Variants in F11 observed in about 807,000 individuals in gnomAD.
F11 encodes coagulation factor XI, also known as coagualtion factor XI.
In F11, 78 loss-of-function variants were observed where a neutral mutation model predicts 76.5. The observed-to-expected ratio is 1.02, with a 90% CI of 0.85 to 1.23. The LOEUF (loss-of-function observed/expected upper bound fraction) is 1.23. F11 is among the 50% of genes most tolerant of loss of function. The pLI is 0.00. For synonymous variants in F11, 278 were observed against 276.3 expected (o/e 1.01, Z -0.06); for missense variants, 742 against 771.4 (o/e 0.96, Z 0.45).
intron 7 of F11, among the ~76,000 whole-genome samples, chr4:186,279,051 T>C (rs903484057): frequency 2.0e-5 from 3 of 152,208 alleles, no homozygotes; most frequent in Admixed American, 2.0e-4. Context: ...ATGGCTTCTA[T>C]AAGCCCAAAC....
chr4:186,271,862 T>A, intron 3 of F11, 91 bp downstream of exon 3: 1 of 1,365,776 alleles, frequency 7.3e-7, no homozygotes, highest in Non-Finnish European at 1.0e-6. Context: ...TTATAAAATT[T>A]AACATTAACA....
At chr4:186,267,522 T>C (rs1244157538) in intron 2 of F11, among the ~76,000 whole-genome samples, 2 of 152,244 alleles carry the variant, frequency 1.3e-5, no homozygotes, top group Non-Finnish European at 2.9e-5. Context: ...AAGCAGTCAG[T>C]TCAATGGAAC....
chr4:186,279,942 T>C, intron 7 of F11, 70 bp from the exon 8 acceptor site: 2 of 1,174,564 alleles, frequency 1.7e-6, no homozygotes, highest in Non-Finnish European at 2.5e-6. Flanking sequence ...CTTTACTTTC[T>C]CTAGGTGCTG....
intron 14 of F11, among the ~76,000 whole-genome samples, chr4:186,288,075 C>CTT (rs140874355): frequency 4.8e-5 from 7 of 145,750 alleles, no homozygotes; most frequent in Non-Finnish European, 7.6e-5. Flanking sequence ...CAGCTAGCGT[C>CTT]TTTTTTTTTT....
rs1580090765 is a variant in F11 at position 186,280,565 on chromosome 4, T to C, written c.1120T>C (p.Cys374Arg). The stretch of plus-strand genomic sequence containing the variant: ...CATCTCTGGATACACATTAAGGTTG[T>C]GTAAAATGGATAATGGTGAGTATAA... ...GGISGYTLRL[C>R]KMDNECTTKI... is the part of the protein sequence containing the mutation. The change falls in exon 10 of 15, where the codon TGT (cysteine) becomes CGT (arginine). Residue 374 changes from cysteine to arginine, a missense_variant. Cys to Arg is a radical substitution (Grantham distance 180). Coordinates refer to ENST00000403665, the MANE Select transcript of F11 (RefSeq NM_000128.4). The C allele has an allele frequency of 1.2e-6, 2 of 1,613,134 alleles. No individual in the cohort carries two copies. Among genetic ancestry groups the C allele is most frequent in the Non-Finnish European group, 1.7e-6 (2 of 1,179,086 alleles).
chr4:186,286,060 A>G (rs1741189221), intron 12 of F11: 1 of 573,800 alleles, frequency 1.7e-6, no homozygotes, highest in African/African-American at 1.9e-5. Context: ...ATAGAATGAC[A>G]TAATTTCATA....
intron 13 of F11, among the ~76,000 whole-genome samples, chr4:186,286,976 GTGT>G (rs1019589673): frequency 5.3e-5 from 8 of 151,934 alleles, no homozygotes; most frequent in Non-Finnish European, 2.9e-5. Context: ...CATGAGTTTT[GTGT>G]TGTTGTTGTT....
Position 186,288,769 on chromosome 4 carries a change from G to C in F11, c.*155G>C. 1.2e-6 allele frequency: 1 copy of C among 831,810 alleles called. No homozygotes were observed. 51.5% of individuals were successfully genotyped at this position (831,810 alleles called of 1,614,324 possible). ...GCTAGAAGAAAACAAACTGTCACAA[G>C]TTGTTATGTCCAAAACTCCCGTTCT... is the stretch of plus-strand genomic sequence containing the variant. On this transcript the variant is annotated 3_prime_UTR_variant, in exon 15 of 15. Transcript: ENST00000403665.
chr4:186,275,930 C>G, intron 6 of F11, 34 bp downstream of exon 6: 2 of 1,477,380 alleles, frequency 1.4e-6, no homozygotes, highest in Non-Finnish European at 1.9e-6. Flanking sequence ...GTAATTCAAC[C>G]ATTAAATATG....
intron 7 of F11, among the ~76,000 whole-genome samples, chr4:186,279,520 C>A (rs1301159698): frequency 1.3e-5 from 2 of 152,162 alleles, no homozygotes; most frequent in Non-Finnish European, 2.9e-5. Flanking sequence ...TCCATCACTG[C>A]AGAAAGATCT....
chr4:186,288,105 G>A (rs959641740), intron 14 of F11, among the ~76,000 whole-genome samples: 5 of 151,774 alleles, frequency 3.3e-5, no homozygotes, highest in African/African-American at 1.2e-4. Flanking sequence ...GTAGAGACGG[G>A]GTTTCACCAT....
intron 5 of F11, chr4:186,274,937 T>G (rs1740253009): frequency 5.5e-6 from 1 of 180,504 alleles, no homozygotes; most frequent in Non-Finnish European, 1.2e-5. Context: ...ACTTGCGTTT[T>G]AACATTGGAT....
At chr4:186,276,140 A>T in intron 6 of F11, 91 bp from the exon 7 acceptor site, 1 of 1,475,184 alleles carries the variant, frequency 6.8e-7, no homozygotes, top group Non-Finnish European at 9.3e-7. Flanking sequence ...ATACACTTAA[A>T]TTTTTTAATA....
At chr4:186,279,886 T>G in intron 7 of F11, 126 bp from the exon 8 acceptor site, 1 of 784,690 alleles carries the variant, frequency 1.3e-6, no homozygotes, top group South Asian at 1.5e-5. Context: ...TGAAGAGTAC[T>G]TTCAAAATAG....
At chr4:186,268,042 T>C (rs529177036) in intron 2 of F11, among the ~76,000 whole-genome samples, 73 of 152,316 alleles carry the variant, frequency 4.8e-4, no homozygotes, top group Admixed American at 2.5e-3. Flanking sequence ...AATAATTTGA[T>C]ATATTTTGAA....
intron 5 of F11, chr4:186,274,967 C>T: frequency 4.6e-6 from 1 of 215,570 alleles, no homozygotes; most frequent in South Asian, 6.8e-5. Context: ...CTGCTCTCCA[C>T]ATTCACAAAG....
intron 1 of F11, among the ~76,000 whole-genome samples, chr4:186,266,663 T>A (rs1739520303): frequency 6.6e-6 from 1 of 152,184 alleles, no homozygotes; most frequent in Non-Finnish European, 1.5e-5. Context: ...AGACAATCGA[T>A]TAATGTATCA....
At position 186,269,561 on chromosome 4, in the gene F11, C is replaced by T. The variant is rs569502866; in HGVS notation, c.56-2048C>T. On this transcript the variant is annotated intron_variant, in intron 2 of 14. Coordinates refer to ENST00000403665, the MANE Select transcript of F11 (RefSeq NM_000128.4). Reference sequence around the variant, plus strand: ...CTTAGGGTAGTCAATTTCATCAAGACGGAAATTAGAACAGAGGTTGCCAGG... The same window carrying T: ...CTTAGGGTAGTCAATTTCATCAAGATGGAAATTAGAACAGAGGTTGCCAGG... Among the ~76,000 whole-genome samples the T allele has an allele frequency of 3.9e-5, 6 of 152,244 alleles. No individual in the cohort carries two copies. The East Asian group carries it at 7.7e-4, about 20-fold the overall frequency.
Position 186,271,622 on chromosome 4 carries a change from G to A in F11, c.69G>A (p.Gln23=), listed in dbSNP as rs1195253506. The part of the protein sequence containing the change: ...FTSVSGECVT[Q]LLKDTCFEGG... ...ACTACATCACAGAATGTGTGACTCAGTTGTTGAAGGACACCTGCTTTGAAG... is the reference window on the plus strand; with the variant it reads ...ACTACATCACAGAATGTGTGACTCAATTGTTGAAGGACACCTGCTTTGAAG... The change falls in exon 3 of 15, where the codon CAG becomes CAA. Residue 23 remains glutamine (Q), a synonymous_variant. Coordinates refer to ENST00000403665, the MANE Select transcript of F11 (RefSeq NM_000128.4). 1 of 1,614,152 alleles carries A rather than the reference G, an allele frequency of 6.2e-7. No homozygotes were observed. The highest frequency in any genetic ancestry group is 8.5e-7 in the Non-Finnish European group (1 of 1,180,022).
Sources: allele counts gnomAD v4.1 joint callset (sites outside exome capture counted in the v4.1 genomes callset), GRCh38; gene constraint gnomAD v4.1.1; transcripts MANE v1.5; gene names NCBI Gene and HGNC (gene_info 2026-07-23, HGNC 2026-07-21).